NEK11: variants seen among roughly 807,000 people sequenced by gnomAD.
The protein encoded by NEK11 is NIMA related kinase 11.
NEK11 carries 72 observed loss-of-function variants against 80.7 expected under a neutral mutation model. The observed-to-expected ratio is 0.89, with a 90% CI of 0.74 to 1.08. The LOEUF (loss-of-function observed/expected upper bound fraction) is 1.08, where lower values mean the gene tolerates loss of function less well. NEK11 is among the 50% of genes least tolerant of loss of function. NEK11 has a pLI of 0.00. For synonymous variants in NEK11, 251 were observed against 260.7 expected (o/e 0.96, Z 0.36); for missense variants, 764 against 763.6 (o/e 1.00, Z -0.01).
chr3:131,328,008 G>A (rs2097000866), intron 17 of NEK11, among the ~76,000 whole-genome samples: 1 of 151,752 alleles, frequency 6.6e-6, no homozygotes, highest in Admixed American at 6.5e-5. Flanking sequence ...TTATAGCCAA[G>A]CATGGTGCCT....
intron 16 of NEK11, among the ~76,000 whole-genome samples, chr3:131,251,755 T>C (rs963820015): frequency 6.6e-6 from 1 of 152,096 alleles, no homozygotes; most frequent in African/African-American, 2.4e-5. Context: ...CTGCTTCTTA[T>C]GACTATGATG....
chr3:131,344,019 A>C (rs559564787), intron 17 of NEK11, among the ~76,000 whole-genome samples: 16 of 152,054 alleles, frequency 1.1e-4, no homozygotes, highest in Non-Finnish European at 1.6e-4. Context: ...TCTCTCCCCC[A>C]AAAAAGCTTT....
intron 3 of NEK11, among the ~76,000 whole-genome samples, chr3:131,035,857 T>C (rs565309741): frequency 1.3e-5 from 2 of 152,328 alleles, no homozygotes; most frequent in African/African-American, 4.8e-5. Flanking sequence ...AACAGCTGTA[T>C]GTACATTCTA....
chr3:131,093,770 T>C, intron 4 of NEK11, among the ~76,000 whole-genome samples: 1 of 152,162 alleles, frequency 6.6e-6, no homozygotes, highest in East Asian at 1.9e-4. Context: ...CATGGTGAAC[T>C]AGAATATCTC....
intron 7 of NEK11, among the ~76,000 whole-genome samples, chr3:131,150,496 G>C (rs1274794495): frequency 6.6e-6 from 1 of 151,874 alleles, no homozygotes; most frequent in Non-Finnish European, 1.5e-5. Flanking sequence ...CTGGTGGTTT[G>C]TTTTATTAAT....
chr3:131,197,398 G>C (rs2094060966), intron 14 of NEK11, among the ~76,000 whole-genome samples: 1 of 152,150 alleles, frequency 6.6e-6, no homozygotes, highest in African/African-American at 2.4e-5. Context: ...GTCATGGACT[G>C]CGTCTGGGGC....
At chr3:131,298,795 C>A (rs2096629364) in intron 17 of NEK11, among the ~76,000 whole-genome samples, 3 of 152,014 alleles carry the variant, frequency 2.0e-5, no homozygotes, top group Admixed American at 1.3e-4. Context: ...TGTCGTCTGA[C>A]ATCAATTTGA....
chr3:131,069,874 G>A (rs2072932811), intron 3 of NEK11, among the ~76,000 whole-genome samples: 1 of 151,258 alleles, frequency 6.6e-6, no homozygotes, highest in African/African-American at 2.4e-5. Flanking sequence ...TATACCTAAT[G>A]CTAGATGACG....
At chr3:131,272,200 G>A (rs965307981) in intron 16 of NEK11, among the ~76,000 whole-genome samples, 1 of 152,266 alleles carries the variant, frequency 6.6e-6, no homozygotes, top group East Asian at 1.9e-4. Flanking sequence ...TGTTATATGA[G>A]ATATGTTGAG....
chr3:131,192,106 C>T (rs1000725442), intron 14 of NEK11, among the ~76,000 whole-genome samples: 2 of 151,724 alleles, frequency 1.3e-5, no homozygotes, highest in Admixed American at 1.3e-4. Context: ...ATCAAACAGC[C>T]CAATTAAAAA....
chr3:131,293,699 G>A (rs918009902), intron 17 of NEK11, among the ~76,000 whole-genome samples: 2 of 152,074 alleles, frequency 1.3e-5, no homozygotes, highest in Non-Finnish European at 2.9e-5. Flanking sequence ...GTGTTTGGTA[G>A]AAGCAACAGT....
At chr3:131,093,462 C>G (rs1272972769) in intron 4 of NEK11, among the ~76,000 whole-genome samples, 3 of 151,638 alleles carry the variant, frequency 2.0e-5, no homozygotes, top group Non-Finnish European at 1.5e-5. Context: ...CTCGCTCTGT[C>G]TGTCAGGCTG....
intron 5 of NEK11, among the ~76,000 whole-genome samples, chr3:131,110,452 G>C (rs1015666997): frequency 6.6e-6 from 1 of 152,030 alleles, no homozygotes; most frequent in African/African-American, 2.4e-5. Flanking sequence ...ATCTCATAAT[G>C]AAGGTCAATT....
chr3:131,187,022 CT>C (rs1034593724), intron 14 of NEK11, among the ~76,000 whole-genome samples: 10 of 152,018 alleles, frequency 6.6e-5, no homozygotes, highest in Non-Finnish European at 8.8e-5. Flanking sequence ...TTCAGCAGGC[CT>C]TTTTTTCATA....
At chr3:131,027,764 G>C (rs903151120) in intron 1 of NEK11, 166 bp from the exon 2 acceptor site, 2 of 150,772 alleles carry the variant, frequency 1.3e-5, no homozygotes, top group Admixed American at 1.3e-4. Context: ...GGGGGTGGCA[G>C]GGCTGAGTCT....
Position 131,027,021 on chromosome 3 carries a change from C to G in NEK11, c.-170+15C>G, listed in dbSNP as rs13065352. 27,426 of 152,254 alleles carry G rather than the reference C, an allele frequency of 0.18. 2,624 individuals are homozygous for G. The highest frequency in any genetic ancestry group is 0.22 in the South Asian group (1,058 of 4,812). 9.4% of individuals were successfully genotyped at this position (152,254 alleles called of 1,614,324 possible). A position where few individuals can be genotyped will look rare whatever the true frequency, so the allele number is the denominator to read the frequency against. On this transcript the variant is annotated intron_variant, in intron 1 of 17. Transcript: ENST00000383366. Reference sequence around the variant, plus strand: ...GACAGGGAAAGGTAAAGCGAACTGTCCTCCTTGGGGCTAGCCAGGCTCCCC... The same window carrying G: ...GACAGGGAAAGGTAAAGCGAACTGTGCTCCTTGGGGCTAGCCAGGCTCCCC...
At chr3:131,207,647 T>A (rs1324317116) in intron 14 of NEK11, among the ~76,000 whole-genome samples, 1 of 152,192 alleles carries the variant, frequency 6.6e-6, no homozygotes, top group African/African-American at 2.4e-5. Flanking sequence ...GACTTTTTAA[T>A]GATCAACATT....
intron 14 of NEK11, among the ~76,000 whole-genome samples, chr3:131,227,789 C>T (rs2095241706): frequency 6.6e-6 from 1 of 152,026 alleles, no homozygotes; most frequent in African/African-American, 2.4e-5. Flanking sequence ...TTCTTGTGAT[C>T]CATTCATGGC....
intron 4 of NEK11, among the ~76,000 whole-genome samples, chr3:131,086,789 T>C (rs1249179957): frequency 6.6e-6 from 1 of 152,182 alleles, no homozygotes; most frequent in Non-Finnish European, 1.5e-5. Context: ...ATTTCTATAA[T>C]ACATATACAT....
Sources: allele counts gnomAD v4.1 joint callset (sites outside exome capture counted in the v4.1 genomes callset), GRCh38; gene constraint gnomAD v4.1.1; transcripts MANE v1.5; gene names NCBI Gene and HGNC (gene_info 2026-07-23, HGNC 2026-07-21).